Variants in CAPN7 observed in about 807,000 individuals in gnomAD.
CAPN7 encodes calpain 7.
In CAPN7, 72 loss-of-function variants were observed where a neutral mutation model predicts 115.2. The ratio of observed to expected loss-of-function variants is 0.63; its 90% confidence interval spans 0.52 to 0.76. CAPN7 has a LOEUF of 0.76. Among genes scored for constraint, CAPN7 ranks in the 30% least tolerant of loss-of-function variants. The pLI is 0.00. For missense variants in CAPN7, 905 were observed against 971.5 expected (o/e 0.93, Z 0.91); for synonymous variants, 344 against 322.3 (o/e 1.07, Z -0.72).
chr3:15,236,575 C>G (rs1222064518), intron 12 of CAPN7, among the ~76,000 whole-genome samples: 2 of 152,160 alleles, frequency 1.3e-5, no homozygotes, highest in Admixed American at 1.3e-4. Context: ...AGTGTACATT[C>G]TAAGAAATGC....
Position 15,238,108 on chromosome 3 carries a change from C to CTTTTTTT in CAPN7, c.1408-2346_1408-2340dup, listed in dbSNP as rs34203410. Among the ~76,000 whole-genome samples, 55 of 58,204 alleles carry CTTTTTTT rather than the reference C, an allele frequency of 9.4e-4. 2 individuals carry two copies. The highest frequency in any genetic ancestry group is 1.8e-3 in the Admixed American group (7 of 3,896). The allele number at this position is 58,204 out of a possible 152,430, so 38.2% of individuals were successfully genotyped here. A position where few individuals can be genotyped will look rare whatever the true frequency, so the allele number is the denominator to read the frequency against. The stretch of plus-strand genomic sequence containing the variant: ...TGAAGTGTTTATTTAATTCTGACTT[C>CTTTTTTT]TTTTTTTTTTTTTTTTTTTTTTTTT... On this transcript the variant is annotated intron_variant, in intron 12 of 20. Transcript: ENST00000253693.
intron 5 of CAPN7, among the ~76,000 whole-genome samples, chr3:15,221,346 A>ATT (rs772108590): frequency 0.014 from 1,498 of 104,288 alleles, 77 homozygotes; most frequent in African/African-American, 0.048. Flanking sequence ...CATCTGACTA[A>ATT]TTTTTTTTTT....
chr3:15,212,186 A>G lies in CAPN7; in HGVS notation c.185A>G (p.Glu62Gly), dbSNP rs1252491136. 1.2e-6 allele frequency: 2 copies of G among 1,607,360 alleles called. No individual in the cohort carries two copies. Among genetic ancestry groups the G allele is most frequent in the Non-Finnish European group, 8.5e-7 (1 of 1,174,954 alleles). ...NIQEKITEYL[E>G]RVQALHSAVQ... The stretch of plus-strand genomic sequence containing the variant: ...CAAGAAAAAATAACTGAGTATCTGG[A>G]AAGAGTTCAAGCTCTACATTCAGCA... The change falls in exon 2 of 21, where the codon GAA (glutamate) becomes GGA (glycine). Residue 62 changes from glutamate to glycine, a missense_variant. This residue lies in a region of CAPN7 where 271 missense variants were observed against 239.6 expected (regional missense o/e 1.13). Coordinates refer to ENST00000253693, the MANE Select transcript of CAPN7 (RefSeq NM_014296.3).
At chr3:15,227,271 G>T (rs1199980811) in intron 6 of CAPN7, among the ~76,000 whole-genome samples, 1 of 152,150 alleles carries the variant, frequency 6.6e-6, no homozygotes, top group Non-Finnish European at 1.5e-5. Context: ...TGCCAGTTCT[G>T]CTGTTTCTTA....
chr3:15,232,597 T>C lies in CAPN7; in HGVS notation c.1111T>C (p.Trp371Arg), dbSNP rs1008191733. ...TTATTCCAACAACAAAAGTGAATTA[T>C]GGGTTTCTCTCATAGAAAAAGCATA... ...CSYSNNKSEL[W>R]VSLIEKAYMK... The change falls in exon 10 of 21, where the codon TGG becomes CGG. Residue 371 changes from tryptophan (W) to arginine (R), a missense_variant. This residue lies in a region of CAPN7 where 620 missense variants were observed against 703.4 expected (regional missense o/e 0.88). Transcript: ENST00000253693. The C allele has an allele frequency of 1.9e-6, 3 of 1,612,878 alleles. No homozygotes were observed. Among genetic ancestry groups the C allele is most frequent in the African/African-American group, 2.7e-5 (2 of 74,848 alleles).
intron 16 of CAPN7, among the ~76,000 whole-genome samples, chr3:15,244,675 T>C (rs1575244285): frequency 6.6e-6 from 1 of 152,348 alleles, no homozygotes; most frequent in Middle Eastern, 3.4e-3. Context: ...GTAATTGTCA[T>C]GCATAAAATT....
At chr3:15,250,378 TAAA>T (rs1197770652) in intron 19 of CAPN7, among the ~76,000 whole-genome samples, 2 of 150,268 alleles carry the variant, frequency 1.3e-5, no homozygotes, top group Non-Finnish European at 3.0e-5. Flanking sequence ...GTCTCAAAAA[TAAA>T]AAAGAGGTCG....
intron 1 of CAPN7, among the ~76,000 whole-genome samples, chr3:15,207,216 G>C (rs1219878484): frequency 1.3e-5 from 2 of 152,196 alleles, no homozygotes; most frequent in Non-Finnish European, 2.9e-5. Context: ...GCTGTACTCA[G>C]TGGTGTGTGC....
At chr3:15,225,621 G>T (rs369094757) in intron 6 of CAPN7, among the ~76,000 whole-genome samples, 1 of 152,184 alleles carries the variant, frequency 6.6e-6, no homozygotes, top group South Asian at 2.1e-4. Context: ...ACTTGTCACA[G>T]TTGGAATTTT....
At position 15,212,871 on chromosome 3, in the gene CAPN7, C is replaced by T. The variant is rs187073077; in HGVS notation, c.211+659C>T. ...CTTTTTCTGTTGCTGCATGATAAAG[C>T]GCCAAGCAGAAGAATATTTATTCTC... On this transcript the variant is annotated intron_variant, in intron 2 of 20. Coordinates refer to ENST00000253693, the MANE Select transcript of CAPN7 (RefSeq NM_014296.3). Among the ~76,000 whole-genome samples the T allele has an allele frequency of 2.6e-5, 4 of 152,218 alleles. 1 individual carries two copies. The highest frequency in any genetic ancestry group is 2.6e-4 in the Admixed American group (4 of 15,292).
chr3:15,209,035 AGTTTT>A (rs1363899999), intron 1 of CAPN7, among the ~76,000 whole-genome samples: 1 of 150,606 alleles, frequency 6.6e-6, no homozygotes, highest in Non-Finnish European at 1.5e-5. Context: ...TTTGAGACGG[AGTTTT>A]GTTCTTGTTG....
chr3:15,221,282 C>T (rs1266458791), intron 5 of CAPN7, among the ~76,000 whole-genome samples: 7 of 150,956 alleles, frequency 4.6e-5, no homozygotes, highest in East Asian at 3.9e-4. Flanking sequence ...TGGGCTCAAG[C>T]GATTTTCCTG....
At chr3:15,210,257 C>G (rs2044854388) in intron 1 of CAPN7, among the ~76,000 whole-genome samples, 1 of 151,742 alleles carries the variant, frequency 6.6e-6, no homozygotes, top group Non-Finnish European at 1.5e-5. Flanking sequence ...CCTCAGACTC[C>G]TAAGTAAAAA....
chr3:15,239,005 C>T (rs1384330738), intron 12 of CAPN7, among the ~76,000 whole-genome samples: 2 of 151,976 alleles, frequency 1.3e-5, no homozygotes, highest in Non-Finnish European at 2.9e-5. Context: ...ACAATTTGCT[C>T]TCCTTTGTGC....
chr3:15,245,197 C>CA (rs1553610723), intron 16 of CAPN7, among the ~76,000 whole-genome samples: 56 of 139,934 alleles, frequency 4.0e-4, no homozygotes, highest in East Asian at 2.5e-3. Flanking sequence ...AATTTCATCT[C>CA]AAAAAAAAAA....
In CAPN7 at chr3:15,240,658, A is replaced by G. The variant is rs77411342; in HGVS notation, c.1552+41A>G. The G allele has an allele frequency of 4.0e-3, 6,262 of 1,561,536 alleles. 251 individuals carry two copies. The African/African-American group carries it at 0.075, about 19-fold the overall frequency. The stretch of plus-strand genomic sequence containing the variant: ...TAATTTTAATACCATTTATTCTTCA[A>G]AAAAAAACATGTTTTAACAAGACAA... On this transcript the variant is annotated intron_variant, in intron 13 of 20. Coordinates refer to ENST00000253693, the MANE Select transcript of CAPN7 (RefSeq NM_014296.3).
At chr3:15,206,735 C>T (rs1452352890) in intron 1 of CAPN7, 138 bp downstream of exon 1, 1 of 650,872 alleles carries the variant, frequency 1.5e-6, no homozygotes, top group Non-Finnish European at 2.6e-6. Context: ...CGGCCCTCCT[C>T]TTGTTGGGAG....
intron 6 of CAPN7, among the ~76,000 whole-genome samples, chr3:15,224,256 A>G (rs1199818956): frequency 6.7e-6 from 1 of 149,696 alleles, no homozygotes; most frequent in East Asian, 1.9e-4. Flanking sequence ...GAAAATTATG[A>G]TGTCCCAAAT....
chr3:15,249,350 G>T (rs1695866452), intron 19 of CAPN7, among the ~76,000 whole-genome samples: 1 of 152,046 alleles, frequency 6.6e-6, no homozygotes, highest in South Asian at 2.1e-4. Context: ...CATGAAAAAG[G>T]TAAGGGTATT....
Sources: gnomAD v4.1 joint callset for allele counts (sites outside exome capture counted in the v4.1 genomes callset) on GRCh38, gnomAD v4.1.1 for gene constraint, gnomAD v4.1.1 regional missense constraint, MANE v1.5 for transcripts, NCBI Gene and HGNC (gene_info 2026-07-23, HGNC 2026-07-21) for gene names.